Variants in PLCG2 observed in about 807,000 individuals in gnomAD.
PLCG2 encodes phospholipase C gamma 2.
PLCG2 carries 69 observed loss-of-function variants against 175.6 expected under a neutral mutation model. The ratio of observed to expected loss-of-function variants is 0.39; its 90% CI spans 0.32 to 0.48. The LOEUF (loss-of-function observed/expected upper bound fraction) is 0.48. Among genes scored for constraint, PLCG2 ranks in the 20% least tolerant of loss-of-function variants. The pLI is 0.91. For missense variants in PLCG2, 1,798 were observed against 1,650.9 expected (o/e 1.09, Z -1.54); for synonymous variants, 827 against 624.0 (o/e 1.33, Z -4.85).
At chr16:81,827,819 G>A (rs1353949601) in intron 2 of PLCG2, among the ~76,000 whole-genome samples, 1 of 152,080 alleles carries the variant, frequency 6.6e-6, no homozygotes, top group Non-Finnish European at 1.5e-5. Context: ...CGCCAGGCAC[G>A]GTGGTTCATG....
chr16:81,923,574 C>T lies in PLCG2; in HGVS notation c.2397C>T (p.Val799=), dbSNP rs376061730. The T allele has an allele frequency of 1.2e-6, 2 of 1,611,930 alleles. No individual in the cohort carries two copies. The highest frequency in any genetic ancestry group is 8.5e-7 in the Non-Finnish European group (1 of 1,178,180). Residue 799 remains valine, a synonymous_variant, in exon 22 of 33, where the codon GTC becomes GTT. Transcript: ENST00000564138. ...GCCGTGGTGCCCTCATCCACAATGT[C>T]TCCAAGGAGCCCGGGGGCTGGTAAG... ...SFCRGALIHN[V]SKEPGGWWKG...
chr16:81,853,727 A>G (rs1906539623), intron 2 of PLCG2, among the ~76,000 whole-genome samples: 1 of 152,142 alleles, frequency 6.6e-6, no homozygotes, highest in African/African-American at 2.4e-5. Flanking sequence ...TGGTTAAAAC[A>G]GGTCACAGAG....
intron 2 of PLCG2, among the ~76,000 whole-genome samples, chr16:81,799,985 C>G (rs1052814893): frequency 3.3e-5 from 5 of 152,154 alleles, no homozygotes; most frequent in African/African-American, 1.2e-4. Flanking sequence ...GTCTGACTGC[C>G]TGGGTTCAGA....
chr16:81,822,627 T>A (rs371307005), intron 2 of PLCG2, among the ~76,000 whole-genome samples: 3 of 151,952 alleles, frequency 2.0e-5, no homozygotes, highest in Non-Finnish European at 4.4e-5. Context: ...CATGGTGGCG[T>A]GTACCTGTAA....
intron 25 of PLCG2, among the ~76,000 whole-genome samples, chr16:81,932,533 C>T (rs181348539): frequency 6.6e-6 from 1 of 152,286 alleles, no homozygotes; most frequent in Non-Finnish European, 1.5e-5. Context: ...CTTCCTGGGG[C>T]CTCTTGTGCC....
intron 2 of PLCG2, among the ~76,000 whole-genome samples, chr16:81,803,698 A>T (rs1597327585): frequency 9.3e-6 from 1 of 107,852 alleles, no homozygotes; most frequent in Admixed American, 1.3e-4. Flanking sequence ...TTCTTTCTTT[A>T]CTCTCTACAG....
intron 2 of PLCG2, among the ~76,000 whole-genome samples, chr16:81,841,052 A>G (rs1322316847): frequency 2.0e-5 from 3 of 152,200 alleles, no homozygotes; most frequent in African/African-American, 7.2e-5. Context: ...TTATTTGAGC[A>G]TAATGATCTG....
chr16:81,920,624 G>A (rs1018087182), intron 20 of PLCG2, among the ~76,000 whole-genome samples: 4 of 152,142 alleles, frequency 2.6e-5, no homozygotes, highest in African/African-American at 9.7e-5. Context: ...CTAGGTACAG[G>A]AGTGGCCACA....
intron 31 of PLCG2, among the ~76,000 whole-genome samples, chr16:81,951,918 T>C (rs912124488): frequency 3.3e-5 from 5 of 152,156 alleles, no homozygotes; most frequent in South Asian, 4.1e-4. Flanking sequence ...CAAATTCTGA[T>C]TGTATAGTTT....
chr16:81,813,844 C>G (rs1904424526), intron 2 of PLCG2, among the ~76,000 whole-genome samples: 1 of 152,182 alleles, frequency 6.6e-6, no homozygotes, highest in Non-Finnish European at 1.5e-5. Flanking sequence ...GTGATGGCTT[C>G]CAAGGGACAG....
At chr16:81,794,918 A>G (rs964942516) in intron 2 of PLCG2, among the ~76,000 whole-genome samples, 1 of 152,232 alleles carries the variant, frequency 6.6e-6, no homozygotes, top group African/African-American at 2.4e-5. Context: ...TGTGAAAAGT[A>G]GAGTTGACAT....
At chr16:81,888,384 G>GA (rs35199517) in intron 9 of PLCG2, among the ~76,000 whole-genome samples, 7,538 of 150,212 alleles carry the variant, frequency 0.05, 265 homozygotes, top group Non-Finnish European at 0.077. Context: ...CTGATTTAAA[G>GA]AAAAAAAAAA....
intron 9 of PLCG2, among the ~76,000 whole-genome samples, chr16:81,884,030 A>G (rs1184700479): frequency 6.6e-6 from 1 of 152,176 alleles, no homozygotes; most frequent in East Asian, 1.9e-4. Flanking sequence ...TACATTGCAC[A>G]GGGCAGCCCC....
In PLCG2 at chr16:81,946,170, T is replaced by C. The variant is rs764124537; in HGVS notation, c.3482-5T>C. On this transcript the variant is annotated splice_region_variant and splice_polypyrimidine_tract_variant and intron_variant, in intron 30 of 32. Transcript: ENST00000564138. ...CTTTGCATTTTCCTCCTTGTTCTGC[T>C]TCAGGATTCAGGTCCGTTCCTCTGA... is the stretch of plus-strand genomic sequence containing the variant. The C allele has an allele frequency of 1.2e-6, 2 of 1,612,088 alleles. No homozygotes were observed. The highest frequency in any genetic ancestry group is 1.7e-6 in the Non-Finnish European group (2 of 1,178,204).
At chr16:81,771,255 T>A (rs1415753589) in intron 2 of PLCG2, among the ~76,000 whole-genome samples, 1 of 152,056 alleles carries the variant, frequency 6.6e-6, no homozygotes, top group Non-Finnish European at 1.5e-5. Context: ...TGAGAAAAAG[T>A]CTCTTTCTGT....
At chr16:81,852,359 C>T (rs1171247733) in intron 2 of PLCG2, among the ~76,000 whole-genome samples, 3 of 152,104 alleles carry the variant, frequency 2.0e-5, no homozygotes, top group Non-Finnish European at 4.4e-5. Context: ...CTGTCGCCTT[C>T]AGCTTGTGGT....
intron 1 of PLCG2, among the ~76,000 whole-genome samples, chr16:81,749,892 G>C (rs894726511): frequency 6.6e-6 from 1 of 152,136 alleles, no homozygotes; most frequent in Non-Finnish European, 1.5e-5. Context: ...TCCCTCAATG[G>C]ACAGCTGCTT....
intron 19 of PLCG2, among the ~76,000 whole-genome samples, chr16:81,916,209 C>G (rs1056928488): frequency 2.7e-5 from 4 of 150,942 alleles, no homozygotes; most frequent in African/African-American, 7.3e-5. Flanking sequence ...AGTCTTCTAG[C>G]ATTTTGTTTT....
At chr16:81,773,131 C>T (rs1029971071) in intron 2 of PLCG2, among the ~76,000 whole-genome samples, 2 of 152,178 alleles carry the variant, frequency 1.3e-5, no homozygotes, top group African/African-American at 4.8e-5. Context: ...TGACCCATTT[C>T]TGGCCAATGA....
Sources: gnomAD v4.1 joint callset for allele counts (sites outside exome capture counted in the v4.1 genomes callset) on GRCh38, gnomAD v4.1.1 for gene constraint, MANE v1.5 for transcripts, NCBI Gene and HGNC (gene_info 2026-07-23, HGNC 2026-07-21) for gene names.